The following GREB1 variants were observed in gnomAD, a reference collection of about 807,000 sequenced individuals.
GREB1 encodes the protein protein GREB1.
A neutral mutation model predicts 200.7 loss-of-function variants in GREB1; 106 were observed. That is an observed-to-expected ratio of 0.53 (90% CI 0.45 to 0.62). The LOEUF is 0.62. GREB1 is among the 20% of genes least tolerant of loss of function. GREB1 has a pLI of 0.00. For synonymous variants in GREB1, 1,132 were observed against 1,092.4 expected (o/e 1.04, Z -0.72); for missense variants, 2,243 against 2,556.8 (o/e 0.88, Z 2.65).
At position 11,492,352 on chromosome 2, in the gene GREB1, T is replaced by C. The variant is rs1425078390; in HGVS notation, c.-159+9971T>C. Among the ~76,000 whole-genome samples the C allele has an allele frequency of 6.6e-6, 1 of 152,160 alleles. No homozygotes were observed. Among genetic ancestry groups the C allele is most frequent in the Non-Finnish European group, 1.5e-5 (1 of 68,020 alleles). On this transcript the variant is annotated intron_variant, in intron 1 of 2. Transcript: ENST00000628795. The surrounding 1 kb of genome is among the most constrained non-coding windows in gnomAD (Gnocchi z 4.0). Reference sequence around the variant, plus strand: ...AGTGTGCTCTATCAAGAAATGCTTGTTGGTTGGTTTGTTTCTTGGTCAGCC... The same window carrying C: ...AGTGTGCTCTATCAAGAAATGCTTGCTGGTTGGTTTGTTTCTTGGTCAGCC...
chr2:11,565,202 C>A (rs1055125530), intron 3 of GREB1, among the ~76,000 whole-genome samples: 1 of 152,222 alleles, frequency 6.6e-6, no homozygotes, highest in Non-Finnish European at 1.5e-5. Flanking sequence ...GCCTCAGTTT[C>A]CCTATCTTCA....
chr2:11,540,810 TTATTGCCGTGTCATA>T (rs1674677437), intron 1 of GREB1: 1 of 153,152 alleles, frequency 6.5e-6, no homozygotes, highest in African/African-American at 2.4e-5. Flanking sequence ...CTCAATGCGT[TTATTGCCGTGTCATA>T]TATTGGGGGC....
rs1400786064 is a variant in GREB1 at position 11,633,957 on chromosome 2, GAGCGCCCGTGGGA to G, written c.4992-166_4992-154del. 6.6e-6 allele frequency among the ~76,000 whole-genome samples: 1 copy of G among 152,264 alleles called. No homozygotes were observed. Among genetic ancestry groups the G allele is most frequent in the Admixed American group, 6.5e-5 (1 of 15,290 alleles). ...AATGTGTTCAGCACATAGCAGAAAT[GAGCGCCCGTGGGA>G]AGCGCCCAGCAGGGTGCCTGGCCCT... On this transcript the variant is annotated intron_variant, in intron 28 of 32. Coordinates refer to ENST00000381486, the MANE Select transcript of GREB1 (RefSeq NM_014668.4). This position sits in a 1 kb window ranked among gnomAD's most constrained non-coding sequence, Gnocchi z 4.1.
intron 1 of GREB1, among the ~76,000 whole-genome samples, chr2:11,500,816 G>T (rs947332424): frequency 6.6e-6 from 1 of 152,206 alleles, no homozygotes; most frequent in African/African-American, 2.4e-5. Context: ...GGAATGGTAA[G>T]ATTCCCAACC....
upstream of GREB1, among the ~76,000 whole-genome samples, chr2:11,532,204 C>T (rs564498982): frequency 6.6e-6 from 1 of 152,096 alleles, no homozygotes; most frequent in African/African-American, 2.4e-5. Flanking sequence ...AAAATCAACC[C>T]GCGTATAGGA....
intron 1 of GREB1, among the ~76,000 whole-genome samples, chr2:11,488,313 C>T (rs1320449430): frequency 1.3e-5 from 2 of 152,168 alleles, no homozygotes; most frequent in Non-Finnish European, 2.9e-5. Flanking sequence ...AGTCTGTAAG[C>T]TCTTAAAATA....
At chr2:11,638,419 G>A (rs1685554714) in intron 31 of GREB1, among the ~76,000 whole-genome samples, 1 of 152,194 alleles carries the variant, frequency 6.6e-6, no homozygotes, top group Admixed American at 6.5e-5. Context: ...GGGATTACAA[G>A]AGTGAGCCAC....
chr2:11,640,005 G>A lies in GREB1; in HGVS notation c.5687-286G>A, dbSNP rs1685691123. On this transcript the variant is annotated intron_variant, in intron 32 of 32. Transcript: ENST00000381486. This position sits in a 1 kb window ranked among gnomAD's most constrained non-coding sequence, Gnocchi z 4.6. ...CTGGGGCTGAGGATGCTTGGTTTGC[G>A]ATTCCACCAGCCTCTCTCCTTCCTC... is the stretch of plus-strand genomic sequence containing the variant. Among the ~76,000 whole-genome samples the A allele has an allele frequency of 6.6e-6, 1 of 152,074 alleles. No homozygotes were observed. The highest frequency in any genetic ancestry group is 6.6e-5 in the Admixed American group (1 of 15,258).
At chr2:11,562,090 A>G (rs144822927) in intron 2 of GREB1, among the ~76,000 whole-genome samples, 73 of 152,328 alleles carry the variant, frequency 4.8e-4, no homozygotes, top group Non-Finnish European at 1.0e-3. Context: ...CCAATTCGAT[A>G]CATATTAAAC....
At position 11,640,312 on chromosome 2, in the gene GREB1, G is replaced by C. The variant is rs1388859951; in HGVS notation, c.5708G>C (p.Cys1903Ser). The C allele has an allele frequency of 1.2e-6, 2 of 1,613,500 alleles. No individual in the cohort carries two copies. The highest frequency in any genetic ancestry group is 1.3e-5 in the African/African-American group (1 of 75,030). Residue 1903 changes from cysteine to serine, a missense_variant, in exon 33 of 33, where the codon TGT (cysteine) becomes TCT (serine). Cys to Ser is a moderately radical substitution (Grantham distance 112, BLOSUM62 -1). This residue lies in a region of GREB1 where 478 missense variants were observed against 616.3 expected (regional missense o/e 0.78). Transcript: ENST00000381486. This position sits in a 1 kb window ranked among gnomAD's most constrained non-coding sequence, Gnocchi z 4.6. ...GCAGGTGCGACGTTGTGTGTCATCT[G>C]TCAGGACCGGAGCTCACTGCGCCAG... is the stretch of plus-strand genomic sequence containing the variant. ...FLKGATLCVI[C>S]QDRSSLRQTV... is the part of the protein sequence containing the mutation.
At position 11,556,713 on chromosome 2, in the gene GREB1, C is replaced by T. The variant is rs200022617; in HGVS notation, c.99C>T (p.Pro33=). ...CCCTGCGGTCCAACAACCTGGTGCC[C>T]AGGCCCATCTTTTCCCAGCTGTACC... is the stretch of plus-strand genomic sequence containing the variant. ...EASLRSNNLV[P]RPIFSQLYLE... Residue 33 remains proline (P), a synonymous_variant, in exon 2 of 33, where the codon CCC becomes CCT. Transcript: ENST00000381486. 2 of 1,614,100 alleles carry T rather than the reference C, an allele frequency of 1.2e-6. No homozygotes were observed. The highest frequency in any genetic ancestry group is 1.7e-6 in the Non-Finnish European group (2 of 1,179,984).
At chr2:11,499,097 A>C (rs1672962028) in intron 1 of GREB1, among the ~76,000 whole-genome samples, 1 of 152,218 alleles carries the variant, frequency 6.6e-6, no homozygotes, top group Admixed American at 6.5e-5. Flanking sequence ...AATTATTATT[A>C]ATTGTGGAAG....
At chr2:11,535,600 T>C (rs1481933513) in intron 1 of GREB1, among the ~76,000 whole-genome samples, 13 of 152,046 alleles carry the variant, frequency 8.6e-5, no homozygotes, top group Admixed American at 8.5e-4. Flanking sequence ...AATAAATAAA[T>C]AATAGAGAAA....
At chr2:11,631,165 G>T (rs930347657) in intron 26 of GREB1, among the ~76,000 whole-genome samples, 2 of 152,340 alleles carry the variant, frequency 1.3e-5, no homozygotes, top group Middle Eastern at 3.4e-3. Flanking sequence ...TGCATGCACA[G>T]TGTTGTGGCA....
chr2:11,593,176 C>G, intron 11 of GREB1, 50 bp downstream of exon 11: 1 of 1,273,160 alleles, frequency 7.9e-7, no homozygotes, highest in Non-Finnish European at 1.1e-6. Flanking sequence ...ACGGTGTTCC[C>G]GGTCCCCTCC....
chr2:11,520,529 G>T (rs976689985), intron 1 of GREB1, among the ~76,000 whole-genome samples: 6 of 152,144 alleles, frequency 3.9e-5, no homozygotes, highest in Non-Finnish European at 8.8e-5. Context: ...ACATTTCTTG[G>T]CTGGAGCTTC....
intron 9 of GREB1, 102 bp downstream of exon 9, chr2:11,586,007 ATCC>A: frequency 7.9e-7 from 1 of 1,259,628 alleles, no homozygotes; most frequent in South Asian, 1.3e-5. Context: ...CTCCAAGGGT[ATCC>A]TCCTGAGACA....
intron 17 of GREB1, among the ~76,000 whole-genome samples, chr2:11,605,160 T>C (rs1471818412): frequency 7.1e-6 from 1 of 140,444 alleles, no homozygotes; most frequent in Admixed American, 7.3e-5. Flanking sequence ...TTTTTTTTTT[T>C]TTTTTTTTTT....
In GREB1 at chr2:11,610,932, C is replaced by A. The variant is rs760183614; in HGVS notation, c.2911C>A (p.Arg971=). 1.9e-6 allele frequency: 3 copies of A among 1,611,460 alleles called. No individual in the cohort carries two copies. The highest frequency in any genetic ancestry group is 4.5e-5 in the East Asian group (2 of 44,844). ...VVAYERLAHV[R]ARLALEEHFE... ...GGCCTATGAGCGGCTGGCCCACGTG[C>A]GGGCCCGGCTGGCGCTGGAGGAGCA... The change falls in exon 18 of 33, where the codon CGG becomes AGG. Residue 971 remains arginine, a synonymous_variant. Coordinates refer to ENST00000381486, the MANE Select transcript of GREB1 (RefSeq NM_014668.4).
Sources: gnomAD v4.1 joint callset for allele counts (sites outside exome capture counted in the v4.1 genomes callset) on GRCh38, gnomAD v4.1.1 for gene constraint, gnomAD v4.1.1 regional missense constraint, Gnocchi (gnomAD v3.1) non-coding constraint, MANE v1.5 for transcripts, NCBI Gene and HGNC (gene_info 2026-07-23, HGNC 2026-07-21) for gene names.